Variants in PCDH15 observed in about 807,000 individuals in gnomAD.
PCDH15 encodes protocadherin-15.
PCDH15 carries 129 observed loss-of-function variants against 178.5 expected under a neutral mutation model. The observed-to-expected ratio is 0.72, with a 90% CI of 0.63 to 0.84. The LOEUF (loss-of-function observed/expected upper bound fraction) is 0.84. PCDH15 is among the 40% of genes least tolerant of loss of function. The pLI is 0.00. For missense variants in PCDH15, 2,230 were observed against 2,099.9 expected, an observed-to-expected ratio of 1.06 and a Z score of -1.21; for synonymous variants, 800 against 732.0, an observed-to-expected ratio of 1.09 and a Z score of -1.50.
chr10:54,841,597 T>C (rs1024600215), intron 3 of PCDH15, among the ~76,000 whole-genome samples: 3 of 151,512 alleles, frequency 2.0e-5, no homozygotes, highest in African/African-American at 7.3e-5. Flanking sequence ...CTATAGAAAA[T>C]TTTATTGTTA....
intron 1 of PCDH15, among the ~76,000 whole-genome samples, chr10:54,712,107 A>T (rs905840749): frequency 7.9e-5 from 12 of 151,940 alleles, no homozygotes; most frequent in South Asian, 2.1e-4. Context: ...GAATGTAAAG[A>T]GTATAGAAAT....
chr10:55,153,503 T>A (rs1429286934), intron 2 of PCDH15, among the ~76,000 whole-genome samples: 1 of 152,040 alleles, frequency 6.6e-6, no homozygotes, highest in East Asian at 1.9e-4. Context: ...AAAGAGAAAA[T>A]GATGGCAGAT....
At chr10:53,947,641 G>C (rs1201024703) in intron 23 of PCDH15, among the ~76,000 whole-genome samples, 2 of 151,964 alleles carry the variant, frequency 1.3e-5, no homozygotes, top group Non-Finnish European at 2.9e-5. Context: ...ATTTAAATAA[G>C]AAAAACAGTT....
chr10:54,436,936 TGG>T (rs1243426232), intron 3 of PCDH15, among the ~76,000 whole-genome samples: 2 of 152,178 alleles, frequency 1.3e-5, no homozygotes, highest in Non-Finnish European at 2.9e-5. Context: ...GCACTAGACT[TGG>T]GTTGCCACTT....
intron 2 of PCDH15, chr10:54,600,183 C>A: frequency 1.6e-6 from 1 of 643,982 alleles, no homozygotes. Flanking sequence ...AGGCAGTCAC[C>A]ATTACCAAAT....
chr10:54,910,890 A>G (rs1954803966), intron 2 of PCDH15, among the ~76,000 whole-genome samples: 1 of 152,224 alleles, frequency 6.6e-6, no homozygotes, highest in African/African-American at 2.4e-5. Context: ...AGGGTTCACC[A>G]GACTTCACAG....
At chr10:54,745,629 T>C (rs1257332349) in intron 1 of PCDH15, among the ~76,000 whole-genome samples, 1 of 152,188 alleles carries the variant, frequency 6.6e-6, no homozygotes, top group Non-Finnish European at 1.5e-5. Context: ...GGGATTTCCT[T>C]GGTCTAGCCA....
At chr10:54,024,363 T>A (rs2093018507) in intron 18 of PCDH15, among the ~76,000 whole-genome samples, 1 of 152,172 alleles carries the variant, frequency 6.6e-6, no homozygotes, top group Non-Finnish European at 1.5e-5. Context: ...CTTGGCTGCC[T>A]TATGAGCCAG....
At chr10:54,400,462 T>A (rs1341754484) in intron 3 of PCDH15, among the ~76,000 whole-genome samples, 2 of 152,104 alleles carry the variant, frequency 1.3e-5, no homozygotes, top group African/African-American at 2.4e-5. Context: ...TTGAAAGTTA[T>A]AAAATGCATG....
chr10:54,079,340 C>G lies in PCDH15; in HGVS notation c.2082G>C (p.Arg694Ser), dbSNP rs756484846. 1.9e-6 allele frequency: 3 copies of G among 1,613,934 alleles called. No individual in the cohort carries two copies. The highest frequency in any genetic ancestry group is 2.5e-6 in the Non-Finnish European group (3 of 1,179,948). The change falls in exon 17 of 38, where the codon AGG becomes AGC. Residue 694 changes from arginine to serine, a missense_variant. Coordinates refer to ENST00000644397, the MANE Select transcript of PCDH15 (RefSeq NM_001384140.1). ...YILIITASDG[R>S]PDGTSTATVN... is the part of the protein sequence containing the mutation. Reference sequence around the variant, plus strand: ...CAGGGAGCATACTCACCCCATCTGGCCTGCCATCTGAAGCTGTGATGATCA... The same window carrying G: ...CAGGGAGCATACTCACCCCATCTGGGCTGCCATCTGAAGCTGTGATGATCA...
chr10:54,968,003 C>T (rs535867435), intron 2 of PCDH15, among the ~76,000 whole-genome samples: 20 of 152,228 alleles, frequency 1.3e-4, no homozygotes, highest in Middle Eastern at 3.4e-3. Flanking sequence ...TACAGTCAGA[C>T]TCTAAGGTAT....
intron 2 of PCDH15, among the ~76,000 whole-genome samples, chr10:55,409,476 A>C (rs929393070): frequency 2.0e-5 from 3 of 152,126 alleles, no homozygotes; most frequent in African/African-American, 7.2e-5. Context: ...GTTTCTTTGT[A>C]ACTTGAAATA....
chr10:55,422,505 G>A (rs1254780255), intron 2 of PCDH15, among the ~76,000 whole-genome samples: 1 of 151,808 alleles, frequency 6.6e-6, no homozygotes, highest in African/African-American at 2.4e-5. Flanking sequence ...AGTCTCCTCT[G>A]GGATATAAAT....
intron 13 of PCDH15, among the ~76,000 whole-genome samples, chr10:54,153,556 CTTTAT>C (rs1309041071): frequency 6.6e-6 from 1 of 151,986 alleles, no homozygotes; most frequent in East Asian, 1.9e-4. Context: ...GAAGGCTTAT[CTTTAT>C]TTTAATTTAA....
intron 21 of PCDH15, among the ~76,000 whole-genome samples, chr10:53,972,526 T>C (rs1034314952): frequency 2.0e-5 from 3 of 152,166 alleles, no homozygotes; most frequent in African/African-American, 7.2e-5. Flanking sequence ...AGAAAATTTT[T>C]ACAGTCTACC....
Position 53,817,585 on chromosome 10 carries a change from G to T in PCDH15, c.4452+410C>A, listed in dbSNP as rs532327166. Among the ~76,000 whole-genome samples, 34 of 135,034 alleles carry T rather than the reference G, an allele frequency of 2.5e-4. No homozygotes were observed. The East Asian group carries it at 7.3e-3, about 29-fold the overall frequency. The allele number at this position is 135,034 out of a possible 152,430, so 88.6% of individuals were successfully genotyped here. ...TGCCCAGGCTGGAGTGCAGTGGCCT[G>T]ATCTTGGCTCACTGCAATCTCCGCC... On this transcript the variant is annotated intron_variant, in intron 34 of 37. Transcript: ENST00000644397.
chr10:54,915,236 C>T (rs1954881045), intron 2 of PCDH15, among the ~76,000 whole-genome samples: 1 of 152,120 alleles, frequency 6.6e-6, no homozygotes, highest in African/African-American at 2.4e-5. Flanking sequence ...GATATGTGTG[C>T]CACATGCTAC....
rs2076055916 is a variant in PCDH15 at position 53,816,240 on chromosome 10, T to C, written c.4490A>G (p.Glu1497Gly). 2.5e-6 allele frequency: 1 copy of C among 398,718 alleles called. No homozygotes were observed. Among genetic ancestry groups the C allele is most frequent in the South Asian group, 1.3e-4 (1 of 7,856 alleles). 24.7% of individuals were successfully genotyped at this position (398,718 alleles called of 1,614,324 possible). A position where few individuals can be genotyped will look rare whatever the true frequency, so the allele number is the denominator to read the frequency against. ...QLLRPSLLKP[E>G]ELSMESGIDP... is the part of the protein sequence containing the mutation. ...TGAAAAGAAAATGAAAATTGATACC[T>C]CTGGTTTAAGAAGAGAGGGCCTCAG... The change falls in exon 35 of 38, where the codon GAG (glutamate) becomes GGG (glycine). Residue 1497 changes from glutamate to glycine, a missense_variant and splice_region_variant. Glu to Gly is a moderately conservative substitution (Grantham distance 98, BLOSUM62 -2). Coordinates refer to ENST00000644397, the MANE Select transcript of PCDH15 (RefSeq NM_001384140.1).
intron 21 of PCDH15, among the ~76,000 whole-genome samples, chr10:53,962,335 C>T (rs2088438950): frequency 6.6e-6 from 1 of 152,068 alleles, no homozygotes; most frequent in Non-Finnish European, 1.5e-5. Flanking sequence ...ACTTTAGCCT[C>T]CCAAGTAGCT....
Sources: gnomAD v4.1 joint callset for allele counts (sites outside exome capture counted in the v4.1 genomes callset) on GRCh38, gnomAD v4.1.1 for gene constraint, MANE v1.5 for transcripts, NCBI Gene and HGNC (gene_info 2026-07-23, HGNC 2026-07-21) for gene names.